GRID1: variants seen among roughly 807,000 people sequenced by gnomAD.
GRID1 encodes glutamate receptor ionotropic, delta-1.
A neutral mutation model predicts 98.0 loss-of-function variants in GRID1; 28 were observed. The ratio of observed to expected loss-of-function variants is 0.29; its 90% confidence interval spans 0.21 to 0.39. GRID1 has a LOEUF of 0.39. Among genes scored for constraint, GRID1 ranks in the 10% least tolerant of loss-of-function variants. The pLI is 1.00. For synonymous variants in GRID1, 553 were observed against 538.5 expected (o/e 1.03, Z -0.37); for missense variants, 1,111 against 1,340.5 (o/e 0.83, Z 2.67).
chr10:86,322,772 T>C (rs1847988767), intron 2 of GRID1, among the ~76,000 whole-genome samples: 1 of 150,678 alleles, frequency 6.6e-6, no homozygotes, highest in Non-Finnish European at 1.5e-5. Flanking sequence ...AAAATAAATA[T>C]TGGGCACAGA....
intron 4 of GRID1, among the ~76,000 whole-genome samples, chr10:86,087,077 A>C (rs1231706457): frequency 6.6e-6 from 1 of 152,228 alleles, no homozygotes; most frequent in Admixed American, 6.5e-5. Context: ...TTAAAAAATG[A>C]ATGTATTTAC....
intron 2 of GRID1, among the ~76,000 whole-genome samples, chr10:86,209,383 G>A (rs1487423973): frequency 6.6e-6 from 1 of 152,212 alleles, no homozygotes; most frequent in Non-Finnish European, 1.5e-5. Context: ...AGTATTCTCA[G>A]GACATTTGTG....
chr10:86,111,711 G>A (rs898264704), intron 4 of GRID1, among the ~76,000 whole-genome samples: 1 of 152,166 alleles, frequency 6.6e-6, no homozygotes, highest in African/African-American at 2.4e-5. Flanking sequence ...ATGAGGATCT[G>A]GTGTTCACAG....
intron 8 of GRID1, among the ~76,000 whole-genome samples, chr10:85,794,368 G>C (rs1158485945): frequency 1.3e-5 from 2 of 152,240 alleles, no homozygotes; most frequent in Non-Finnish European, 2.9e-5. Context: ...CGGTGCTAAA[G>C]AGAAAATGTG....
intron 2 of GRID1, among the ~76,000 whole-genome samples, chr10:86,340,784 G>A (rs1048229089): frequency 6.6e-6 from 1 of 152,208 alleles, no homozygotes; most frequent in South Asian, 2.1e-4. Flanking sequence ...CAAAGAGGGA[G>A]CAGAGCAACT....
chr10:86,062,441 C>T (rs1361580776), intron 4 of GRID1, among the ~76,000 whole-genome samples: 1 of 152,156 alleles, frequency 6.6e-6, no homozygotes, highest in African/African-American at 2.4e-5. Context: ...CGCTTCCACC[C>T]CTGCTTCTGG....
chr10:85,655,804 A>G (rs1053748593), intron 12 of GRID1, among the ~76,000 whole-genome samples: 6 of 152,138 alleles, frequency 3.9e-5, no homozygotes, highest in Admixed American at 1.3e-4. Flanking sequence ...TTTTAAAATG[A>G]CAGCTTTGTT....
At position 86,288,047 on chromosome 10, in the gene GRID1, A is replaced by C. The variant is rs987431246; in HGVS notation, c.235+75894T>G. ...CCAAAGATGCTTGTTGCAGAGTTGTACCATTGCCTCCTGGGGAAAAGGCAG... is the reference window on the plus strand; with the variant it reads ...CCAAAGATGCTTGTTGCAGAGTTGTCCCATTGCCTCCTGGGGAAAAGGCAG... On this transcript the variant is annotated intron_variant, in intron 2 of 15. Transcript: ENST00000327946. Among the ~76,000 whole-genome samples, 70 of 152,130 alleles carry C rather than the reference A, an allele frequency of 4.6e-4. 1 individual carries two copies. The highest frequency in any genetic ancestry group is 2.6e-4 in the Admixed American group (4 of 15,266).
chr10:85,946,241 T>C (rs1437968052), intron 4 of GRID1, among the ~76,000 whole-genome samples: 4 of 152,166 alleles, frequency 2.6e-5, no homozygotes, highest in Non-Finnish European at 2.9e-5. Flanking sequence ...AGTCTGCCAT[T>C]GAAAGGTCTT....
intron 4 of GRID1, among the ~76,000 whole-genome samples, chr10:85,985,132 G>A (rs1842593715): frequency 6.6e-6 from 1 of 152,110 alleles, no homozygotes; most frequent in Admixed American, 6.5e-5. Flanking sequence ...AATGTTGTCT[G>A]GGGAACAAAA....
chr10:86,302,433 C>T (rs907336159), intron 2 of GRID1, among the ~76,000 whole-genome samples: 5 of 152,228 alleles, frequency 3.3e-5, no homozygotes, highest in African/African-American at 7.2e-5. Flanking sequence ...ATCCTCTCCC[C>T]ACCTCCCCAC....
Position 85,818,001 on chromosome 10 carries a change from G to T in GRID1, c.1233+36495C>A, listed in dbSNP as rs575258010. 3.9e-5 allele frequency among the ~76,000 whole-genome samples: 6 copies of T among 152,318 alleles called. No homozygotes were observed. The South Asian group carries it at 1.0e-3, about 26-fold the overall frequency. On this transcript the variant is annotated intron_variant, in intron 8 of 15. Transcript: ENST00000327946. ...GCTTTTGGAAACAGTGATTTGCTTG[G>T]ATACTCTGAACCTAAATACCAAAAG... is the stretch of plus-strand genomic sequence containing the variant.
chr10:85,608,829 C>T (rs537047069), intron 15 of GRID1, among the ~76,000 whole-genome samples: 1 of 152,322 alleles, frequency 6.6e-6, no homozygotes, highest in South Asian at 2.1e-4. Context: ...TGTTCCATGG[C>T]TTCTCACTGG....
intron 4 of GRID1, among the ~76,000 whole-genome samples, chr10:86,031,631 C>T (rs146335374): frequency 6.6e-6 from 1 of 152,096 alleles, no homozygotes; most frequent in South Asian, 2.1e-4. Context: ...CTCTGCCCCC[C>T]CTCATCAAAG....
intron 8 of GRID1, among the ~76,000 whole-genome samples, chr10:85,807,538 AAG>A (rs560550959): frequency 2.7e-3 from 407 of 152,262 alleles, no homozygotes; most frequent in Admixed American, 6.3e-3. Context: ...ATCAGTTAGA[AAG>A]AGATAAATAT....
intron 4 of GRID1, among the ~76,000 whole-genome samples, chr10:85,925,368 C>T (rs1841760483): frequency 6.6e-6 from 1 of 152,216 alleles, no homozygotes; most frequent in Non-Finnish European, 1.5e-5. Context: ...CCTGGATGTA[C>T]AGTGGAACAA....
intron 4 of GRID1, among the ~76,000 whole-genome samples, chr10:86,046,501 GC>G (rs1843426900): frequency 6.6e-6 from 1 of 152,178 alleles, no homozygotes; most frequent in African/African-American, 2.4e-5. Flanking sequence ...GATCTTAGTG[GC>G]CTGTGGCTGA....
At chr10:85,783,943 G>T (rs1484602234) in intron 8 of GRID1, among the ~76,000 whole-genome samples, 1 of 152,178 alleles carries the variant, frequency 6.6e-6, no homozygotes, top group Non-Finnish European at 1.5e-5. Flanking sequence ...GTTAGTTGAG[G>T]TTGGGAGATA....
At chr10:85,915,442 C>T (rs1841601869) in intron 5 of GRID1, among the ~76,000 whole-genome samples, 1 of 151,988 alleles carries the variant, frequency 6.6e-6, no homozygotes, top group Admixed American at 6.6e-5. Flanking sequence ...AATTCACACA[C>T]AAAGACACAT....
Sources: allele counts gnomAD v4.1 joint callset (sites outside exome capture counted in the v4.1 genomes callset), GRCh38; gene constraint gnomAD v4.1.1; transcripts MANE v1.5; gene names NCBI Gene and HGNC (gene_info 2026-07-23, HGNC 2026-07-21).